SORCS2: variants seen among roughly 807,000 people sequenced by gnomAD.
The protein encoded by SORCS2 is VPS10 domain-containing receptor SorCS2.
Under a neutral mutation model 141.6 loss-of-function variants are expected in SORCS2, and 100 were observed. That is an observed-to-expected ratio of 0.71 (90% CI 0.60 to 0.83). The LOEUF is 0.83. Among genes scored for constraint, SORCS2 ranks in the 40% least tolerant of loss-of-function variants. The pLI is 0.00. For missense variants in SORCS2, 1,646 were observed against 1,560.2 expected, an observed-to-expected ratio of 1.05 and a Z score of -0.93; for synonymous variants, 789 against 676.9, an observed-to-expected ratio of 1.17 and a Z score of -2.57.
chr4:7,331,054 C>G (rs1208316790), intron 1 of SORCS2, among the ~76,000 whole-genome samples: 1 of 151,616 alleles, frequency 6.6e-6, no homozygotes, highest in African/African-American at 2.4e-5. Flanking sequence ...GAAGCAGAGG[C>G]CTGAGGGAGT....
intron 3 of SORCS2, among the ~76,000 whole-genome samples, chr4:7,609,505 C>T (rs1488019883): frequency 2.0e-5 from 3 of 152,196 alleles, no homozygotes; most frequent in African/African-American, 7.2e-5. Flanking sequence ...CCCCGTCCAG[C>T]CCCTGTGGTT....
chr4:7,436,009 C>T (rs551645478), intron 2 of SORCS2, among the ~76,000 whole-genome samples: 1 of 152,382 alleles, frequency 6.6e-6, no homozygotes, highest in East Asian at 1.9e-4. Context: ...TTGCAACAGC[C>T]ACACATGAGG....
intron 2 of SORCS2, among the ~76,000 whole-genome samples, chr4:7,396,787 AG>A (rs1158079214): frequency 6.6e-6 from 1 of 152,216 alleles, no homozygotes; most frequent in Non-Finnish European, 1.5e-5. Context: ...GCTTAGCCAA[AG>A]AGCTTGGTAA....
chr4:7,400,795 A>G (rs1283368876), intron 2 of SORCS2, among the ~76,000 whole-genome samples: 1 of 146,724 alleles, frequency 6.8e-6, no homozygotes, highest in Non-Finnish European at 1.5e-5. Flanking sequence ...AGATAGATGA[A>G]TGGATTGATA....
intron 1 of SORCS2, among the ~76,000 whole-genome samples, chr4:7,271,809 T>C (rs1471280706): frequency 6.6e-6 from 1 of 152,206 alleles, no homozygotes; most frequent in East Asian, 1.9e-4. Flanking sequence ...GTACGGCCTA[T>C]GCCGGGGCCC....
At chr4:7,640,081 G>C (rs934192723) in intron 4 of SORCS2, among the ~76,000 whole-genome samples, 3 of 151,846 alleles carry the variant, frequency 2.0e-5, no homozygotes, top group South Asian at 2.1e-4. Context: ...GTGTGAAACA[G>C]CATGTCAGTG....
At chr4:7,379,471 T>C (rs1378951278) in intron 1 of SORCS2, among the ~76,000 whole-genome samples, 1 of 152,186 alleles carries the variant, frequency 6.6e-6, no homozygotes. Context: ...GTTGTGCACA[T>C]GGAAAGGCTG....
At chr4:7,306,617 G>T (rs750231489) in intron 1 of SORCS2, among the ~76,000 whole-genome samples, 5 of 152,204 alleles carry the variant, frequency 3.3e-5, no homozygotes. Flanking sequence ...CGTGGGGCTA[G>T]GCATGCCTGG....
At chr4:7,441,478 C>T (rs1727661034) in intron 2 of SORCS2, among the ~76,000 whole-genome samples, 1 of 151,920 alleles carries the variant, frequency 6.6e-6, no homozygotes, top group Admixed American at 6.5e-5. Context: ...AGTGTGGGTG[C>T]CGAGGGCTGG....
At chr4:7,520,845 G>T (rs1367715997) in intron 2 of SORCS2, among the ~76,000 whole-genome samples, 1 of 152,184 alleles carries the variant, frequency 6.6e-6, no homozygotes, top group Non-Finnish European at 1.5e-5. Flanking sequence ...GCACTGGGTC[G>T]GGCTGCAGTC....
intron 3 of SORCS2, among the ~76,000 whole-genome samples, chr4:7,631,647 G>C (rs1029667559): frequency 2.0e-5 from 3 of 151,572 alleles, no homozygotes; most frequent in South Asian, 2.1e-4. Flanking sequence ...TGACCCCCCC[G>C]GGGGGGCAGA....
At chr4:7,207,775 A>G (rs993877792) in intron 1 of SORCS2, among the ~76,000 whole-genome samples, 9 of 152,236 alleles carry the variant, frequency 5.9e-5, no homozygotes, top group African/African-American at 1.7e-4. Flanking sequence ...AAAGCCCAGC[A>G]TATTTCATGA....
chr4:7,385,465 T>A (rs1723235547), intron 1 of SORCS2, among the ~76,000 whole-genome samples: 1 of 152,168 alleles, frequency 6.6e-6, no homozygotes, highest in Non-Finnish European at 1.5e-5. Flanking sequence ...TCATGCGGGC[T>A]GGAGAGAGCT....
At chr4:7,498,290 C>T (rs1214273427) in intron 2 of SORCS2, among the ~76,000 whole-genome samples, 1 of 152,196 alleles carries the variant, frequency 6.6e-6, no homozygotes, top group Non-Finnish European at 1.5e-5. Context: ...CAGTCCCCTG[C>T]CTTGGCTGAT....
At chr4:7,454,496 T>A (rs1209305428) in intron 2 of SORCS2, among the ~76,000 whole-genome samples, 4 of 88,204 alleles carry the variant, frequency 4.5e-5, no homozygotes, top group African/African-American at 1.6e-4. Context: ...TGGGGTCAGG[T>A]GCTGTGTGTT....
chr4:7,195,329 G>A (rs1311839526), intron 1 of SORCS2, among the ~76,000 whole-genome samples: 1 of 152,180 alleles, frequency 6.6e-6, no homozygotes, highest in African/African-American at 2.4e-5. Flanking sequence ...GCAGGGGTGA[G>A]GTGTGGCACA....
intron 2 of SORCS2, among the ~76,000 whole-genome samples, chr4:7,414,525 C>T (rs1014816570): frequency 8.6e-5 from 13 of 152,018 alleles, no homozygotes; most frequent in African/African-American, 3.1e-4. Flanking sequence ...AGCCGGCGGC[C>T]AAAGAGACAG....
intron 1 of SORCS2, among the ~76,000 whole-genome samples, chr4:7,242,731 C>T (rs565412285): frequency 6.6e-6 from 1 of 152,338 alleles, no homozygotes; most frequent in South Asian, 2.1e-4. Context: ...AAGTGGCTTT[C>T]CCCTGGTCCA....
chr4:7,390,734 G>A (rs1367502274), intron 1 of SORCS2, among the ~76,000 whole-genome samples: 1 of 152,294 alleles, frequency 6.6e-6, no homozygotes, highest in East Asian at 1.9e-4. Flanking sequence ...AGCTGACCTC[G>A]TTCCTGGTGG....
Sources: gnomAD v4.1 joint callset for allele counts (sites outside exome capture counted in the v4.1 genomes callset) on GRCh38, gnomAD v4.1.1 for gene constraint, MANE v1.5 for transcripts, NCBI Gene and HGNC (gene_info 2026-07-23, HGNC 2026-07-21) for gene names.